Variants in ZBED6 observed in about 807,000 individuals in gnomAD.
ZBED6 encodes the protein zinc finger BED domain-containing protein 6.
Under a neutral mutation model 58.4 loss-of-function variants are expected in ZBED6, and 40 were observed. That is an observed-to-expected ratio of 0.68 (90% confidence interval 0.53 to 0.89). The LOEUF (loss-of-function observed/expected upper bound fraction) is 0.89, where lower values mean the gene tolerates loss of function less well. ZBED6 is among the 40% of genes least tolerant of loss of function. The pLI is 0.00. For missense variants in ZBED6, 1,057 were observed against 1,003.9 expected, an observed-to-expected ratio of 1.05 and a Z score of -0.71; for synonymous variants, 439 against 350.6, an observed-to-expected ratio of 1.25 and a Z score of -2.82.
chr1:203,820,220 G>A (rs1163328531), intron 3 of ZBED6, among the ~76,000 whole-genome samples: 1 of 150,858 alleles, frequency 6.6e-6, no homozygotes, highest in Non-Finnish European at 1.5e-5. Flanking sequence ...GGGTGACAGG[G>A]CGAGACTCCA....
chr1:203,833,727 TTAG>T, intron 8 of ZBED6, 61 bp from the exon 9 acceptor site: 1 of 1,423,362 alleles, frequency 7.0e-7, no homozygotes, highest in Non-Finnish European at 9.7e-7. Flanking sequence ...TTTGTACCCA[TTAG>T]TAGTTACTGA....
exon 1 of ZBED6, chr1:203,799,043 T>C (rs1377698267): frequency 6.5e-6 from 10 of 1,536,034 alleles, no homozygotes; most frequent in Non-Finnish European, 8.7e-6. Context: ...CTTTGGAAAC[T>C]GCGTCTTTTC....
intron 14 of ZBED6, chr1:203,850,312 A>C (rs10494847): frequency 0.14 from 103,273 of 713,520 alleles, 9,097 homozygotes; most frequent in Admixed American, 0.29. Context: ...AACAAATTTA[A>C]GTGGTATTGT....
chr1:203,829,754 A>G, intron 5 of ZBED6, 26 bp from the exon 6 acceptor site: 1 of 1,612,920 alleles, frequency 6.2e-7, no homozygotes, highest in African/African-American at 1.3e-5. Flanking sequence ...TTTAATTGTG[A>G]ATTTGCCTTA....
At chr1:203,850,459 C>G (rs1456253270) in intron 14 of ZBED6, 56 bp from the exon 15 acceptor site, 2 of 1,587,492 alleles carry the variant, frequency 1.3e-6, no homozygotes, top group South Asian at 2.2e-5. Context: ...CTGAATTATT[C>G]CCCATTTAAA....
At chr1:203,817,163 T>C in intron 2 of ZBED6, 39 bp downstream of exon 2, 1 of 1,533,440 alleles carries the variant, frequency 6.5e-7, no homozygotes, top group East Asian at 2.3e-5. Context: ...TTTCTACAAT[T>C]TGCTTAATAG....
chr1:203,824,566 A>T (rs959252861), intron 3 of ZBED6, among the ~76,000 whole-genome samples: 1 of 152,216 alleles, frequency 6.6e-6, no homozygotes, highest in Admixed American at 6.5e-5. Context: ...GTCATCTGAC[A>T]TGTGTCACAT....
chr1:203,847,188 A>G, exon 12 of ZBED6: 1 of 1,612,412 alleles, frequency 6.2e-7, no homozygotes, highest in Non-Finnish European at 8.5e-7. Context: ...AAACAGATAA[A>G]GTTAATAAAG....
chr1:203,804,116 G>T (rs903495854), intron 1 of ZBED6, among the ~76,000 whole-genome samples: 2 of 149,470 alleles, frequency 1.3e-5, no homozygotes, highest in Non-Finnish European at 3.0e-5. Context: ...TTTAATGTGG[G>T]TCTTGCATAC....
chr1:203,796,035 C>G (rs145306069), exon 1 of ZBED6: 1 of 144,152 alleles, frequency 6.9e-6, no homozygotes, highest in Non-Finnish European at 1.5e-5. Context: ...CCCACCCCCA[C>G]CCCGTTCACC....
At chr1:203,811,574 T>C (rs1216690023) in intron 1 of ZBED6, among the ~76,000 whole-genome samples, 1 of 152,142 alleles carries the variant, frequency 6.6e-6, no homozygotes, top group Non-Finnish European at 1.5e-5. Flanking sequence ...AGTGGCAAGA[T>C]TGTGGCTCAC....
chr1:203,799,574 A>C lies in ZBED6; in HGVS notation c.2052A>C (p.Leu684=), dbSNP rs532782986. Reference sequence around the variant, plus strand: ...TGCTCACCTCCCTTCAGTGGACTCTAATGACTTATGTTTGTGATATTCTTA... The same window carrying C: ...TGCTCACCTCCCTTCAGTGGACTCTCATGACTTATGTTTGTGATATTCTTA... The change falls in exon 1 of 17, where the codon CTA becomes CTC. Residue 684 remains leucine, a synonymous_variant. Coordinates refer to ENST00000550078, the Ensembl canonical transcript of ZBED6. The C allele has an allele frequency of 1.0e-5, 7 of 703,004 alleles. No individual in the cohort carries two copies. The African/African-American group carries it at 1.0e-4, about 11-fold the overall frequency. 43.5% of individuals were successfully genotyped at this position (703,004 alleles called of 1,614,324 possible).
intron 11 of ZBED6, among the ~76,000 whole-genome samples, chr1:203,840,922 C>T (rs951578385): frequency 6.6e-6 from 1 of 152,096 alleles, no homozygotes; most frequent in African/African-American, 2.4e-5. Flanking sequence ...GCACGAGCCA[C>T]CGCACCCGGC....
chr1:203,827,116 A>T (rs2102978596), intron 3 of ZBED6, among the ~76,000 whole-genome samples: 1 of 152,322 alleles, frequency 6.6e-6, no homozygotes, highest in Non-Finnish European at 1.5e-5. Flanking sequence ...TGAGTATAGC[A>T]ATGGTTTATT....
At chr1:203,842,934 T>G (rs533078405) in intron 11 of ZBED6, among the ~76,000 whole-genome samples, 10 of 151,832 alleles carry the variant, frequency 6.6e-5, no homozygotes, top group Non-Finnish European at 1.0e-4. Flanking sequence ...CTTTTTTTTT[T>G]TAATACCTTG....
At position 203,843,693 on chromosome 1, in the gene ZBED6, A is replaced by G. The variant is rs534090434; in HGVS notation, c.*3741+3319A>G. ...ATTTACAAAATTAGGTGGTGGCCAT[A>G]TGGGCTATATATAGTTTGCCTATGC... On this transcript the variant is annotated intron_variant, in intron 11 of 16. Coordinates refer to ENST00000550078, the Ensembl canonical transcript of ZBED6. 1.6e-4 allele frequency among the ~76,000 whole-genome samples: 24 copies of G among 152,316 alleles called. 1 individual carries two copies. Among genetic ancestry groups the G allele is most frequent in the Admixed American group, 1.4e-3 (21 of 15,304 alleles).
Position 203,852,185 on chromosome 1 carries a change from C to T in ZBED6, c.*4918C>T, listed in dbSNP as rs778059892. The T allele has an allele frequency of 1.9e-5, 30 of 1,613,532 alleles. No homozygotes were observed. Among genetic ancestry groups the T allele is most frequent in the African/African-American group, 2.7e-5 (2 of 74,786 alleles). ...CAGTCCTCTTCAGATTCCTCACCCC[C>T]GGAGGTGTCTGGCCCTTCCTCATCC... On this transcript the variant is annotated 3_prime_UTR_variant, in exon 17 of 17. Transcript: ENST00000550078.
At chr1:203,852,621 T>G in exon 17 of ZBED6, 1 of 563,256 alleles carries the variant, frequency 1.8e-6, no homozygotes. Flanking sequence ...GTTTATCATC[T>G]TTTGAGAAAA....
intron 1 of ZBED6, among the ~76,000 whole-genome samples, chr1:203,812,051 A>T (rs1674658893): frequency 6.6e-6 from 1 of 152,042 alleles, no homozygotes; most frequent in Non-Finnish European, 1.5e-5. Context: ...TACTGACCTC[A>T]AGTGATCCAC....
Sources: gnomAD v4.1 joint callset for allele counts (sites outside exome capture counted in the v4.1 genomes callset) on GRCh38, gnomAD v4.1.1 for gene constraint, MANE v1.5 for transcripts, NCBI Gene and HGNC (gene_info 2026-07-23, HGNC 2026-07-21) for gene names.